The following NKAIN2 variants were observed in gnomAD, a reference collection of about 807,000 sequenced individuals.
NKAIN2 encodes the protein sodium/potassium-transporting ATPase subunit beta-1-interacting protein 2.
Under a neutral mutation model 32.6 loss-of-function variants are expected in NKAIN2, and 14 were observed. That is an observed-to-expected ratio of 0.43 (90% CI 0.28 to 0.67). The LOEUF is 0.67. Among genes scored for constraint, NKAIN2 ranks in the 30% least tolerant of loss-of-function variants. NKAIN2 has a pLI of 0.17. For missense variants in NKAIN2, 198 were observed against 258.3 expected (o/e 0.77, Z 1.60); for synonymous variants, 80 against 87.2 (o/e 0.92, Z 0.46).
At chr6:124,441,658 A>G (rs1051803270) in intron 3 of NKAIN2, among the ~76,000 whole-genome samples, 5 of 152,074 alleles carry the variant, frequency 3.3e-5, no homozygotes, top group African/African-American at 7.2e-5. Flanking sequence ...AGATGATTCT[A>G]TTCCCCAGCC....
At chr6:124,698,266 T>C (rs939218870) in intron 4 of NKAIN2, among the ~76,000 whole-genome samples, 2 of 152,176 alleles carry the variant, frequency 1.3e-5, no homozygotes, top group African/African-American at 4.8e-5. Flanking sequence ...TAGGGTGCCA[T>C]TTAAAATATC....
At chr6:123,873,444 G>A (rs1234355716) in intron 1 of NKAIN2, among the ~76,000 whole-genome samples, 2 of 152,162 alleles carry the variant, frequency 1.3e-5, no homozygotes, top group Admixed American at 6.5e-5. Context: ...AAAGAATTGT[G>A]TGTTTCTTTC....
intron 1 of NKAIN2, among the ~76,000 whole-genome samples, chr6:123,970,096 C>G (rs1429385702): frequency 6.7e-6 from 1 of 148,384 alleles, no homozygotes; most frequent in African/African-American, 2.5e-5. Flanking sequence ...ACACAAAATA[C>G]TGATTATTAA....
intron 1 of NKAIN2, among the ~76,000 whole-genome samples, chr6:123,858,218 C>T (rs940377251): frequency 3.3e-5 from 5 of 151,764 alleles, no homozygotes; most frequent in Non-Finnish European, 4.4e-5. Context: ...CGGGTTCAAG[C>T]GATTCTCCTG....
chr6:123,913,299 G>C (rs1394580235), intron 1 of NKAIN2, among the ~76,000 whole-genome samples: 1 of 152,144 alleles, frequency 6.6e-6, no homozygotes, highest in Non-Finnish European at 1.5e-5. Context: ...TAATTCAAAA[G>C]TGATCAGAGA....
intron 1 of NKAIN2, among the ~76,000 whole-genome samples, chr6:123,928,237 C>T (rs1423060842): frequency 2.0e-5 from 3 of 152,024 alleles, no homozygotes; most frequent in Admixed American, 6.6e-5. Context: ...ACAGCAGACA[C>T]GGGGAACTAC....
intron 3 of NKAIN2, among the ~76,000 whole-genome samples, chr6:124,380,993 T>G (rs1052330582): frequency 6.6e-6 from 1 of 152,312 alleles, no homozygotes; most frequent in Admixed American, 6.5e-5. Context: ...ATTTGAAACA[T>G]TCACAAATGT....
intron 1 of NKAIN2, among the ~76,000 whole-genome samples, chr6:124,022,380 C>T (rs893122725): frequency 6.6e-6 from 1 of 152,110 alleles, no homozygotes; most frequent in Non-Finnish European, 1.5e-5. Context: ...TGTATAGCAG[C>T]ATGATTTATA....
rs543558355 is a variant in NKAIN2 at position 124,718,226 on chromosome 6, A to G, written c.474+59840A>G. 2.6e-5 allele frequency among the ~76,000 whole-genome samples: 4 copies of G among 152,220 alleles called. No individual in the cohort carries two copies. In the South Asian group the frequency reaches 8.3e-4, roughly 32 times the overall value. ...AAGAGAAACCCTGTACCCATTCGCCATCTCTCCCCATCTCTCCCTTCTCCC... is the reference window on the plus strand; with the variant it reads ...AAGAGAAACCCTGTACCCATTCGCCGTCTCTCCCCATCTCTCCCTTCTCCC... On this transcript the variant is annotated intron_variant, in intron 4 of 6. Coordinates refer to ENST00000368417, the MANE Select transcript of NKAIN2 (RefSeq NM_001040214.3).
chr6:124,573,057 C>T (rs575322949), intron 3 of NKAIN2, among the ~76,000 whole-genome samples: 97 of 152,248 alleles, frequency 6.4e-4, no homozygotes, highest in African/African-American at 2.2e-3. Flanking sequence ...CCAAGCTGGT[C>T]TCAAACTCCT....
intron 1 of NKAIN2, among the ~76,000 whole-genome samples, chr6:124,005,819 T>G (rs1780052737): frequency 6.6e-6 from 1 of 152,172 alleles, no homozygotes; most frequent in Admixed American, 6.6e-5. Context: ...TATATCTTTT[T>G]TAAGCCATCT....
At chr6:124,810,626 TATA>T (rs1470634401) in intron 5 of NKAIN2, among the ~76,000 whole-genome samples, 12 of 151,976 alleles carry the variant, frequency 7.9e-5, no homozygotes, top group East Asian at 1.9e-4. Context: ...AAACTTAAAG[TATA>T]ATAATAAAAA....
intron 1 of NKAIN2, among the ~76,000 whole-genome samples, chr6:123,975,350 A>G (rs1459625827): frequency 2.6e-5 from 4 of 152,216 alleles, no homozygotes; most frequent in Non-Finnish European, 4.4e-5. Flanking sequence ...TCAGGTGGAT[A>G]AGAAACTGCA....
chr6:124,345,205 C>A (rs540474288), intron 2 of NKAIN2, among the ~76,000 whole-genome samples: 1 of 151,978 alleles, frequency 6.6e-6, no homozygotes, highest in Non-Finnish European at 1.5e-5. Context: ...GGTGGACAAG[C>A]TTTTTGATGG....
intron 3 of NKAIN2, among the ~76,000 whole-genome samples, chr6:124,503,960 T>C (rs1330386847): frequency 2.6e-5 from 4 of 152,148 alleles, no homozygotes; most frequent in Non-Finnish European, 5.9e-5. Flanking sequence ...GCAAGTGATA[T>C]TCATCCGGCA....
At chr6:124,125,305 T>C (rs1457885895) in intron 1 of NKAIN2, among the ~76,000 whole-genome samples, 3 of 152,210 alleles carry the variant, frequency 2.0e-5, no homozygotes, top group South Asian at 4.1e-4. Flanking sequence ...TGGATGTGGA[T>C]TATTTCATTT....
At chr6:124,070,833 G>A (rs1158728464) in intron 1 of NKAIN2, among the ~76,000 whole-genome samples, 5 of 152,092 alleles carry the variant, frequency 3.3e-5, no homozygotes, top group Non-Finnish European at 5.9e-5. Flanking sequence ...CAAGTCGGAG[G>A]CATCACATTA....
chr6:124,541,843 T>A (rs1779924077), intron 3 of NKAIN2, among the ~76,000 whole-genome samples: 1 of 152,170 alleles, frequency 6.6e-6, no homozygotes, highest in Non-Finnish European at 1.5e-5. Context: ...CAGTATGTGA[T>A]CAGTGTATTG....
chr6:123,893,030 A>G (rs898147266), intron 1 of NKAIN2, among the ~76,000 whole-genome samples: 1 of 151,954 alleles, frequency 6.6e-6, no homozygotes, highest in African/African-American at 2.4e-5. Context: ...TGTTGGATAT[A>G]GGACATTCTT....
Sources: gnomAD v4.1 joint callset for allele counts (sites outside exome capture counted in the v4.1 genomes callset) on GRCh38, gnomAD v4.1.1 for gene constraint, MANE v1.5 for transcripts, NCBI Gene and HGNC (gene_info 2026-07-23, HGNC 2026-07-21) for gene names.